The following MYO9A variants were observed in gnomAD, a reference collection of about 807,000 sequenced individuals.
MYO9A encodes the protein unconventional myosin-IXa.
In MYO9A, 103 loss-of-function variants were observed where a neutral mutation model predicts 293.3. The ratio of observed to expected loss-of-function variants is 0.35; its 90% CI spans 0.30 to 0.41. MYO9A has a LOEUF of 0.41. Among genes scored for constraint, MYO9A ranks in the 10% least tolerant of loss-of-function variants. The pLI, the probability that MYO9A is intolerant of heterozygous loss-of-function variation, is 1.00. For missense variants in MYO9A, 2,685 were observed against 3,033.0 expected (o/e 0.89, Z 2.69); for synonymous variants, 1,001 against 1,035.7 (o/e 0.97, Z 0.64).
At chr15:71,861,767 ATACT>A (rs1470107273) in intron 33 of MYO9A, among the ~76,000 whole-genome samples, 1 of 151,952 alleles carries the variant, frequency 6.6e-6, no homozygotes, top group Non-Finnish European at 1.5e-5. Context: ...AAGAACACAA[ATACT>A]TAATGTAATT....
At chr15:72,009,370 A>T (rs1257076110) in intron 7 of MYO9A, among the ~76,000 whole-genome samples, 2 of 152,166 alleles carry the variant, frequency 1.3e-5, no homozygotes, top group Non-Finnish European at 2.9e-5. Flanking sequence ...AGCAAACAAG[A>T]AAACAGGAGA....
intron 1 of MYO9A, among the ~76,000 whole-genome samples, chr15:72,048,182 C>G (rs1352642178): frequency 6.6e-6 from 1 of 151,748 alleles, no homozygotes; most frequent in Non-Finnish European, 1.5e-5. Flanking sequence ...GGCGGATCAC[C>G]TGAGGTCAGG....
intron 1 of MYO9A, among the ~76,000 whole-genome samples, chr15:72,114,834 C>A (rs1326549976): frequency 2.6e-5 from 4 of 152,116 alleles, no homozygotes; most frequent in Non-Finnish European, 5.9e-5. Context: ...ATATTTATTT[C>A]AAACTGAGTT....
chr15:71,972,240 T>C (rs1264823815), intron 12 of MYO9A: 1 of 152,220 alleles, frequency 6.6e-6, no homozygotes, highest in East Asian at 1.9e-4. Context: ...TGGGTGCTCC[T>C]GGAAGGTAGA....
chr15:71,941,319 C>T (rs1402176130), intron 15 of MYO9A, among the ~76,000 whole-genome samples: 5 of 152,072 alleles, frequency 3.3e-5, no homozygotes, highest in Non-Finnish European at 7.4e-5. Flanking sequence ...CTTGTAATCC[C>T]AACTACTCAG....
At chr15:72,078,580 G>A (rs932198721) in intron 1 of MYO9A, among the ~76,000 whole-genome samples, 5 of 152,110 alleles carry the variant, frequency 3.3e-5, no homozygotes, top group African/African-American at 9.7e-5. Context: ...TCAAGAGGCT[G>A]AGGTGGGAGA....
intron 13 of MYO9A, among the ~76,000 whole-genome samples, chr15:71,966,912 A>G (rs776752670): frequency 6.6e-6 from 1 of 152,044 alleles, no homozygotes; most frequent in Non-Finnish European, 1.5e-5. Flanking sequence ...CTAAATAATA[A>G]CCCCCTGTCT....
Position 71,861,700 on chromosome 15 carries a change from AAC to A in MYO9A, c.6091+798_6091+799del, listed in dbSNP as rs1491331090. 2.4e-4 allele frequency among the ~76,000 whole-genome samples: 36 copies of A among 149,374 alleles called. No homozygotes were observed. In the East Asian group the frequency reaches 2.9e-3, roughly 12 times the overall value. On this transcript the variant is annotated intron_variant, in intron 33 of 41. Coordinates refer to ENST00000356056, the MANE Select transcript of MYO9A (RefSeq NM_006901.4). ...GATATAAAAAAAAAAAAAAAAAAAAAACAAATAAGTTTCCTGACCTATAGAGC... is the reference window on the plus strand; with the variant it reads ...GATATAAAAAAAAAAAAAAAAAAAAAAAATAAGTTTCCTGACCTATAGAGC...
chr15:72,014,477 G>A (rs953114033), intron 6 of MYO9A, among the ~76,000 whole-genome samples: 1 of 152,266 alleles, frequency 6.6e-6, no homozygotes, highest in East Asian at 1.9e-4. Context: ...CCTGAGGTCA[G>A]GAGTTCAAGA....
In MYO9A at chr15:71,875,049, A is replaced by C. The variant is rs148115757; in HGVS notation, c.5979+742T>G. Among the ~76,000 whole-genome samples the C allele has an allele frequency of 7.3e-3, 1,107 of 152,240 alleles. 14 individuals are homozygous for C. Among genetic ancestry groups the C allele is most frequent in the Admixed American group, 9.3e-3 (142 of 15,284 alleles). ...AAAACTTTTTACTGCCTCCACTTGT[A>C]GATTATGCACACCTTAAGGGCTTAA... On this transcript the variant is annotated intron_variant, in intron 32 of 41. Transcript: ENST00000356056.
chr15:71,958,807 A>G (rs1406691894), intron 14 of MYO9A: 1 of 152,250 alleles, frequency 6.6e-6, no homozygotes, highest in African/African-American at 2.4e-5. Context: ...TATCATTAAT[A>G]ACATTGCATG....
At chr15:71,973,177 A>G (rs2076056658) in intron 12 of MYO9A, among the ~76,000 whole-genome samples, 1 of 152,146 alleles carries the variant, frequency 6.6e-6, no homozygotes, top group African/African-American at 2.4e-5. Flanking sequence ...CCTCTGAGAC[A>G]TGTGGTTACC....
At chr15:71,913,300 T>G (rs1479051941) in intron 19 of MYO9A, among the ~76,000 whole-genome samples, 2 of 152,172 alleles carry the variant, frequency 1.3e-5, no homozygotes, top group African/African-American at 4.8e-5. Context: ...TCTCTAAAAG[T>G]TCCATTTGAG....
intron 32 of MYO9A, among the ~76,000 whole-genome samples, chr15:71,863,977 A>G (rs2056237713): frequency 6.6e-6 from 1 of 152,242 alleles, no homozygotes; most frequent in Admixed American, 6.5e-5. Context: ...ATTGTTTTGG[A>G]CTTAATTAAA....
At chr15:72,011,231 T>C (rs2077164454) in intron 6 of MYO9A, among the ~76,000 whole-genome samples, 1 of 152,020 alleles carries the variant, frequency 6.6e-6, no homozygotes, top group Non-Finnish European at 1.5e-5. Flanking sequence ...AGGCTAGTCC[T>C]GAACTCCCGG....
At chr15:72,050,676 C>T (rs1271444752) in intron 1 of MYO9A, among the ~76,000 whole-genome samples, 2 of 152,052 alleles carry the variant, frequency 1.3e-5, no homozygotes, top group African/African-American at 2.4e-5. Flanking sequence ...TTACCAGGCT[C>T]AACAATAGTT....
At chr15:71,842,150 A>C (rs1315518835) in intron 39 of MYO9A, among the ~76,000 whole-genome samples, 2 of 150,448 alleles carry the variant, frequency 1.3e-5, no homozygotes, top group African/African-American at 5.0e-5. Context: ...AGGAGGGCAG[A>C]TCACCTGAGG....
At chr15:72,015,669 G>T (rs1463178162) in intron 6 of MYO9A, among the ~76,000 whole-genome samples, 2 of 148,062 alleles carry the variant, frequency 1.4e-5, no homozygotes, top group Non-Finnish European at 3.0e-5. Flanking sequence ...TTACATTGAA[G>T]TTACTCAGAT....
At chr15:71,933,799 C>T in intron 17 of MYO9A, 90 bp from the exon 18 acceptor site, 2 of 1,113,750 alleles carry the variant, frequency 1.8e-6, no homozygotes, top group Admixed American at 4.5e-5. Context: ...AAGGTCTCTC[C>T]TAAAACAACA....
Sources: gnomAD v4.1 joint callset for allele counts (sites outside exome capture counted in the v4.1 genomes callset) on GRCh38, gnomAD v4.1.1 for gene constraint, MANE v1.5 for transcripts, NCBI Gene and HGNC (gene_info 2026-07-23, HGNC 2026-07-21) for gene names.